Variants in TAFA1 observed in about 807,000 individuals in gnomAD.
The protein encoded by TAFA1 is TAFA chemokine like family member 1.
TAFA1 carries 4 observed loss-of-function variants against 18.5 expected under a neutral mutation model. The ratio of observed to expected loss-of-function variants is 0.22; its 90% CI spans 0.11 to 0.49. TAFA1 has a LOEUF of 0.49. Ranked by LOEUF, TAFA1 falls within the 20% of genes least tolerant of loss-of-function variation. The pLI is 0.98. For missense variants in TAFA1, 147 were observed against 169.0 expected, an observed-to-expected ratio of 0.87 and a Z score of 0.72; for synonymous variants, 56 against 55.2, an observed-to-expected ratio of 1.01 and a Z score of -0.06.
chr3:68,164,737 T>C (rs952137299), intron 2 of TAFA1, among the ~76,000 whole-genome samples: 2 of 151,912 alleles, frequency 1.3e-5, no homozygotes, highest in African/African-American at 4.8e-5. Flanking sequence ...ATTACCCACT[T>C]TGTGGATTAT....
chr3:68,455,943 A>G (rs1197726907), intron 3 of TAFA1, among the ~76,000 whole-genome samples: 1 of 152,118 alleles, frequency 6.6e-6, no homozygotes, highest in Non-Finnish European at 1.5e-5. Flanking sequence ...GGTCCTTATG[A>G]CTCCCTTATA....
chr3:68,024,178 T>A (rs1171334937), intron 2 of TAFA1, among the ~76,000 whole-genome samples: 2 of 152,200 alleles, frequency 1.3e-5, no homozygotes, highest in Admixed American at 1.3e-4. Flanking sequence ...CAGAACTGTA[T>A]CGTTTCTAGT....
intron 2 of TAFA1, among the ~76,000 whole-genome samples, chr3:68,025,588 C>G (rs72918892): frequency 0.059 from 9,036 of 152,192 alleles, 874 homozygotes; most frequent in African/African-American, 0.2. Context: ...CCCCCATTAT[C>G]TCCACAGCAT....
At chr3:68,404,595 C>G (rs570806742) in intron 2 of TAFA1, among the ~76,000 whole-genome samples, 12 of 151,956 alleles carry the variant, frequency 7.9e-5, no homozygotes, top group Non-Finnish European at 1.5e-4. Context: ...GTCAGGAGTT[C>G]AAGACAGCCT....
At chr3:68,183,944 G>C (rs4855495) in intron 2 of TAFA1, among the ~76,000 whole-genome samples, 100,210 of 152,008 alleles carry the variant, frequency 0.66, 33,871 homozygotes, top group South Asian at 0.78. Flanking sequence ...GCTAACCTTG[G>C]TCTTCTGTAA....
rs142851111 is a variant in TAFA1, at chr3:68,018,812, C to T, written c.118+12068C>T. Among the ~76,000 whole-genome samples, 395 of 152,300 alleles carry T rather than the reference C, an allele frequency of 2.6e-3. 4 individuals carry two copies. Among genetic ancestry groups the T allele is most frequent in the African/African-American group, 8.3e-3 (346 of 41,578 alleles). On this transcript the variant is annotated intron_variant, in intron 2 of 4. Coordinates refer to ENST00000478136, the MANE Select transcript of TAFA1 (RefSeq NM_213609.4). ...ATATGTTAATGGATTTGTTTAAGGTCACCTAGCTTGGGAGGGCAAGTTGGG... is the reference window on the plus strand; with the variant it reads ...ATATGTTAATGGATTTGTTTAAGGTTACCTAGCTTGGGAGGGCAAGTTGGG...
intron 2 of TAFA1, among the ~76,000 whole-genome samples, chr3:68,068,768 A>C (rs1426278630): frequency 2.0e-5 from 3 of 152,108 alleles, no homozygotes; most frequent in Non-Finnish European, 4.4e-5. Flanking sequence ...AATTCATTAG[A>C]TCTTGTTTAG....
intron 3 of TAFA1, among the ~76,000 whole-genome samples, chr3:68,532,422 C>G (rs889909172): frequency 5.3e-5 from 8 of 151,950 alleles, no homozygotes; most frequent in Non-Finnish European, 1.0e-4. Flanking sequence ...GACATTGAGT[C>G]TTTTTTTCGG....
intron 4 of TAFA1, among the ~76,000 whole-genome samples, chr3:68,544,017 C>T (rs931515863): frequency 2.6e-5 from 4 of 152,034 alleles, no homozygotes; most frequent in Non-Finnish European, 4.4e-5. Flanking sequence ...GAATAACTTA[C>T]CCAGTTCAAA....
rs6798735 is a variant in TAFA1 at position 68,062,053 on chromosome 3, G to T, written c.118+55309G>T. ...CATAAGTATGTGGTATTTTATTTTA[G>T]ATGCTATCAGTTGATCTTTTGCTAC... On this transcript the variant is annotated intron_variant, in intron 2 of 4. Transcript: ENST00000478136. Among the ~76,000 whole-genome samples, 965 of 152,218 alleles carry T rather than the reference G, an allele frequency of 6.3e-3. 12 individuals carry two copies. Among genetic ancestry groups the T allele is most frequent in the African/African-American group, 0.022 (907 of 41,544 alleles).
intron 3 of TAFA1, among the ~76,000 whole-genome samples, chr3:68,504,842 A>C (rs1268911579): frequency 6.6e-6 from 1 of 152,192 alleles, no homozygotes; most frequent in Non-Finnish European, 1.5e-5. Flanking sequence ...CAGATGTACC[A>C]TGACCCTTTC....
the TAFA1 span, among the ~76,000 whole-genome samples, chr3:67,993,819 A>C: frequency 6.6e-6 from 1 of 152,072 alleles, no homozygotes; most frequent in African/African-American, 2.4e-5. Context: ...GGTGGAAGAG[A>C]AGTTTGGAAA....
intron 3 of TAFA1, among the ~76,000 whole-genome samples, chr3:68,505,515 C>T (rs1367956700): frequency 6.6e-6 from 1 of 152,138 alleles, no homozygotes; most frequent in Non-Finnish European, 1.5e-5. Flanking sequence ...CAGGAATGTC[C>T]TAGCTGAATC....
intron 3 of TAFA1, among the ~76,000 whole-genome samples, chr3:68,477,306 A>C (rs1384339007): frequency 6.6e-6 from 1 of 152,112 alleles, no homozygotes; most frequent in Non-Finnish European, 1.5e-5. Context: ...TATATTTTAA[A>C]AATTTACTCT....
At chr3:68,153,005 C>G (rs940733043) in intron 2 of TAFA1, among the ~76,000 whole-genome samples, 2 of 151,990 alleles carry the variant, frequency 1.3e-5, no homozygotes, top group Admixed American at 6.6e-5. Flanking sequence ...GAGGCTTGGT[C>G]CCCAAAGGGA....
intron 3 of TAFA1, 51 bp downstream of exon 3, chr3:68,417,471 A>G: frequency 4.5e-6 from 7 of 1,558,710 alleles, no homozygotes; most frequent in Non-Finnish European, 5.2e-6. Context: ...TTCACTATAC[A>G]TAATATAATT....
chr3:68,377,839 C>G (rs932156994), intron 2 of TAFA1, among the ~76,000 whole-genome samples: 3 of 152,158 alleles, frequency 2.0e-5, no homozygotes, highest in Admixed American at 6.5e-5. Flanking sequence ...GCTGCTCCAG[C>G]TCCAGCCATG....
intron 3 of TAFA1, among the ~76,000 whole-genome samples, chr3:68,520,107 A>C (rs1206548402): frequency 6.6e-6 from 1 of 152,146 alleles, no homozygotes; most frequent in Non-Finnish European, 1.5e-5. Context: ...TCTTTGGGAA[A>C]AGTTGTCGTC....
At chr3:68,321,074 C>T (rs2106705780) in intron 2 of TAFA1, among the ~76,000 whole-genome samples, 1 of 152,342 alleles carries the variant, frequency 6.6e-6, no homozygotes, top group Non-Finnish European at 1.5e-5. Flanking sequence ...GCTGATCTAC[C>T]TCTTGCCAAC....
Sources: gnomAD v4.1 joint callset for allele counts (sites outside exome capture counted in the v4.1 genomes callset) on GRCh38, gnomAD v4.1.1 for gene constraint, MANE v1.5 for transcripts, NCBI Gene and HGNC (gene_info 2026-07-23, HGNC 2026-07-21) for gene names.